WWOX: variants seen among roughly 807,000 people sequenced by gnomAD.
The protein encoded by WWOX is WW domain containing oxidoreductase, also known as WW domain-containing oxidoreductase.
A neutral mutation model predicts 46.2 loss-of-function variants in WWOX; 69 were observed. That is an observed-to-expected ratio of 1.49 (90% confidence interval 1.23 to 1.82). The LOEUF (loss-of-function observed/expected upper bound fraction) is 1.82. Ranked by LOEUF, WWOX falls within the 40% of genes most tolerant of loss-of-function variation. The probability of loss-of-function intolerance (pLI) is 0.00; values close to 1 mark genes in which losing one functional copy is unlikely to be tolerated. For missense variants in WWOX, 919 were observed against 542.6 expected (o/e 1.69, Z -6.89); for synonymous variants, 359 against 202.6 (o/e 1.77, Z -6.56).
intron 5 of WWOX, among the ~76,000 whole-genome samples, chr16:78,166,091 A>G (rs2034961289): frequency 1.3e-5 from 2 of 152,312 alleles, no homozygotes; most frequent in South Asian, 4.1e-4. Context: ...CTTCTCTTGG[A>G]AGATAAACAT....
chr16:79,013,168 G>T (rs1457822685), intron 8 of WWOX, among the ~76,000 whole-genome samples: 1 of 152,214 alleles, frequency 6.6e-6, no homozygotes, highest in Non-Finnish European at 1.5e-5. Flanking sequence ...GCTGCCACTT[G>T]CCGCCCACCG....
At chr16:78,825,625 G>C in intron 8 of WWOX, 1 of 520,326 alleles carries the variant, frequency 1.9e-6, no homozygotes, top group South Asian at 1.5e-5. Flanking sequence ...ACTGTGCGGA[G>C]GGCCTGCGAT....
chr16:78,440,098 C>G (rs183689470), intron 8 of WWOX, among the ~76,000 whole-genome samples: 2 of 152,194 alleles, frequency 1.3e-5, no homozygotes, highest in East Asian at 3.9e-4. Flanking sequence ...CAGGCGAACT[C>G]TGATTTTGAG....
At chr16:79,095,558 C>G (rs887602968) in intron 8 of WWOX, among the ~76,000 whole-genome samples, 2 of 152,092 alleles carry the variant, frequency 1.3e-5, no homozygotes, top group African/African-American at 4.8e-5. Context: ...GGGGAGCTGA[C>G]ATTGCATAAA....
intron 8 of WWOX, among the ~76,000 whole-genome samples, chr16:78,481,777 A>T (rs562311518): frequency 1.7e-4 from 21 of 121,438 alleles, no homozygotes; most frequent in African/African-American, 6.1e-4. Context: ...GCGCGCCTGC[A>T]TGTGTACTGT....
chr16:78,487,905 C>G (rs1379871208), intron 8 of WWOX, among the ~76,000 whole-genome samples: 1 of 152,150 alleles, frequency 6.6e-6, no homozygotes, highest in Non-Finnish European at 1.5e-5. Flanking sequence ...TAATGTCCGC[C>G]TAGGCAAGCT....
chr16:78,950,964 C>T (rs1348153662), intron 8 of WWOX, among the ~76,000 whole-genome samples: 2 of 152,322 alleles, frequency 1.3e-5, no homozygotes, highest in Non-Finnish European at 2.9e-5. Context: ...CGGTTCTTTC[C>T]AGCCCCGCTC....
chr16:78,512,311 G>A (rs116879920), intron 8 of WWOX, among the ~76,000 whole-genome samples: 1 of 152,238 alleles, frequency 6.6e-6, no homozygotes, highest in Non-Finnish European at 1.5e-5. Context: ...CTTATGGATT[G>A]TTCATGCAGA....
chr16:78,294,920 C>T (rs1017402458), intron 5 of WWOX, among the ~76,000 whole-genome samples: 3 of 152,166 alleles, frequency 2.0e-5, no homozygotes, highest in Non-Finnish European at 4.4e-5. Flanking sequence ...GAACAAGATT[C>T]GGCCCCAAGG....
intron 8 of WWOX, among the ~76,000 whole-genome samples, chr16:78,996,949 G>T (rs1315145345): frequency 1.3e-5 from 2 of 152,218 alleles, no homozygotes; most frequent in African/African-American, 4.8e-5. Flanking sequence ...CCTCTCCCGC[G>T]CCTGGGAGGG....
intron 8 of WWOX, among the ~76,000 whole-genome samples, chr16:79,127,183 C>T (rs1191729307): frequency 6.6e-6 from 1 of 151,744 alleles, no homozygotes; most frequent in African/African-American, 2.4e-5. Flanking sequence ...ATATAAAATC[C>T]TTGTATACAT....
At chr16:79,168,844 C>T (rs1418729626) in intron 8 of WWOX, among the ~76,000 whole-genome samples, 2 of 152,194 alleles carry the variant, frequency 1.3e-5, no homozygotes, top group South Asian at 2.1e-4. Flanking sequence ...ACACCTCCAT[C>T]AGCTGTGGCC....
chr16:78,567,371 C>T lies in WWOX; in HGVS notation c.1056+134619C>T, dbSNP rs182792432. ...CCATCCTGGTTAACACCGTAAAACC[C>T]CGTCTCTACTAAAAATACAAAAAAA... On this transcript the variant is annotated intron_variant, in intron 8 of 8. Coordinates refer to ENST00000566780, the MANE Select transcript of WWOX (RefSeq NM_016373.4). 1.5e-3 allele frequency among the ~76,000 whole-genome samples: 226 copies of T among 151,304 alleles called. 1 individual carries two copies. Among genetic ancestry groups the T allele is most frequent in the Non-Finnish European group, 2.7e-3 (181 of 67,878 alleles).
intron 8 of WWOX, among the ~76,000 whole-genome samples, chr16:78,696,984 T>C (rs1703915736): frequency 6.6e-6 from 1 of 152,102 alleles, no homozygotes; most frequent in African/African-American, 2.4e-5. Context: ...TTGCTGAAAA[T>C]GCCATCAGTT....
chr16:78,144,435 A>G (rs2034097542), intron 4 of WWOX, among the ~76,000 whole-genome samples: 1 of 16,904 alleles, frequency 5.9e-5, no homozygotes, highest in East Asian at 3.2e-3. Context: ...ATTACTATAT[A>G]TATATATATA....
chr16:79,029,074 A>T (rs1188118087), intron 8 of WWOX, among the ~76,000 whole-genome samples: 1 of 149,008 alleles, frequency 6.7e-6, no homozygotes, highest in Non-Finnish European at 1.5e-5. Flanking sequence ...ATGTTTTCTC[A>T]ATGGTCCATT....
intron 8 of WWOX, among the ~76,000 whole-genome samples, chr16:79,165,850 G>A (rs1468969807): frequency 1.3e-5 from 2 of 152,070 alleles, no homozygotes; most frequent in Admixed American, 1.3e-4. Flanking sequence ...CCGGGAACAG[G>A]GTTATAACTC....
At chr16:78,818,143 G>C (rs2051391060) in intron 8 of WWOX, among the ~76,000 whole-genome samples, 1 of 152,162 alleles carries the variant, frequency 6.6e-6, no homozygotes, top group South Asian at 2.1e-4. Context: ...TGATTGGGTG[G>C]GCTGCCCCAG....
chr16:78,520,757 A>C (rs2043330272), intron 8 of WWOX, among the ~76,000 whole-genome samples: 1 of 152,068 alleles, frequency 6.6e-6, no homozygotes, highest in South Asian at 2.1e-4. Context: ...CACCCTCCCT[A>C]AATCCCAGGG....
Sources: allele counts gnomAD v4.1 joint callset (sites outside exome capture counted in the v4.1 genomes callset), GRCh38; gene constraint gnomAD v4.1.1; transcripts MANE v1.5; gene names NCBI Gene and HGNC (gene_info 2026-07-23, HGNC 2026-07-21).